The following HOXC5 variants were observed in gnomAD, a reference collection of about 807,000 sequenced individuals.
HOXC5 encodes the protein homeobox protein Hox-C5.
HOXC5 carries 19 observed loss-of-function variants against 20.1 expected under a neutral mutation model. That is an observed-to-expected ratio of 0.94 (90% confidence interval 0.66 to 1.38). HOXC5 has a LOEUF of 1.38. HOXC5 is among the 40% of genes most tolerant of loss of function. HOXC5 has a pLI of 0.00. For synonymous variants in HOXC5, 124 were observed against 117.0 expected, an observed-to-expected ratio of 1.06 and a Z score of -0.39; for missense variants, 330 against 300.1, an observed-to-expected ratio of 1.10 and a Z score of -0.74.
upstream of HOXC5, chr12:54,028,556 G>C: frequency 6.2e-7 from 1 of 1,614,082 alleles, no homozygotes; most frequent in Non-Finnish European, 8.5e-7. Context: ...TCCTTATCCT[G>C]CCACCTCGCC....
upstream of HOXC5, chr12:54,032,997 T>C (rs1375890968): frequency 1.4e-6 from 1 of 727,212 alleles, no homozygotes; most frequent in Non-Finnish European, 2.2e-6. Context: ...GCGCATAGGA[T>C]AAAGAAAGAG....
At chr12:54,032,317 C>T (rs2136444620), upstream of HOXC5, among the ~76,000 whole-genome samples, 1 of 152,350 alleles carries the variant, frequency 6.6e-6, no homozygotes, top group African/African-American at 2.4e-5. Flanking sequence ...ACTCAGGATC[C>T]CTCCTCCTGG....
upstream of HOXC5, among the ~76,000 whole-genome samples, chr12:54,029,420 C>T (rs1335456221): frequency 7.1e-6 from 1 of 141,608 alleles, no homozygotes; most frequent in Admixed American, 6.9e-5. Context: ...CGCCCCCCCC[C>T]CCACCACACA....
upstream of HOXC5, among the ~76,000 whole-genome samples, chr12:54,029,093 G>T (rs779048299): frequency 1.3e-5 from 2 of 152,032 alleles, no homozygotes; most frequent in Non-Finnish European, 2.9e-5. Context: ...CCTCTCGCTC[G>T]CTTGCAGGGG....
upstream of HOXC5, chr12:54,029,674 C>T: frequency 6.2e-7 from 1 of 1,613,546 alleles, no homozygotes; most frequent in Non-Finnish European, 8.5e-7. Flanking sequence ...ACGGAGCGGA[C>T]CGGAGGCGCG....
chr12:54,034,143 G>C (rs1242211606), intron 1 of HOXC5, 135 bp from the exon 2 acceptor site: 1 of 865,318 alleles, frequency 1.2e-6, no homozygotes, highest in Admixed American at 1.9e-5. Context: ...GCCCGCCTGC[G>C]GCCCGCGTGG....
At position 54,033,424 on chromosome 12, in the gene HOXC5, A is replaced by G; in HGVS notation, c.302A>G (p.Gln101Arg). 2 of 1,606,850 alleles carry G rather than the reference A, an allele frequency of 1.2e-6. No individual in the cohort carries two copies. Among genetic ancestry groups the G allele is most frequent in the Non-Finnish European group, 1.7e-6 (2 of 1,177,270 alleles). ...CCTCTGAACCCCGGGATGTACAGTC[A>G]GAAGGCGGCTCGCCCGGCGCTGGAG... ...AAPLNPGMYSQKAARPALEER... is the reference protein window; with the variant it reads ...AAPLNPGMYSRKAARPALEER... Residue 101 changes from glutamine to arginine, a missense_variant, in exon 1 of 2, where the codon CAG (glutamine) becomes CGG (arginine). Coordinates refer to ENST00000312492, the MANE Select transcript of HOXC5 (RefSeq NM_018953.4).
rs1479676303 is a variant in HOXC5, at chr12:54,033,193, G to A, written c.71G>A (p.Cys24Tyr). The stretch of plus-strand genomic sequence containing the variant: ...ATCCCTGCCTATAACATGCAAACTT[G>A]TGGGAACTATGGATCGGCCTCAGAG... ...PNIPAYNMQT[C>Y]GNYGSASEVQ... The change falls in exon 1 of 2, where the codon TGT becomes TAT. Residue 24 changes from cysteine (C) to tyrosine (Y), a missense_variant. By Grantham distance (194) the Cys-to-Tyr change is radical (BLOSUM62 -2). Coordinates refer to ENST00000312492, the MANE Select transcript of HOXC5 (RefSeq NM_018953.4). The A allele has an allele frequency of 1.9e-6, 3 of 1,614,078 alleles. No individual in the cohort carries two copies. The highest frequency in any genetic ancestry group is 2.5e-6 in the Non-Finnish European group (3 of 1,180,052).
rs931673428 is a variant in HOXC5, at chr12:54,033,377, T to C, written c.255T>C (p.Ala85=). The part of the protein sequence containing the change: ...ACSAAAAPGH[A]PGRDEAAPLN... ...GCGCCGCGGCCGCTCCGGGACACGC[T>C]CCGGGCAGAGACGAAGCGGCTCCTC... The change falls in exon 1 of 2, where the codon GCT becomes GCC. Residue 85 remains alanine, a synonymous_variant. Transcript: ENST00000312492. The C allele has an allele frequency of 1.9e-6, 3 of 1,612,882 alleles. No individual in the cohort carries two copies. In the Admixed American group the frequency reaches 5.0e-5, roughly 27 times the overall value.
chr12:54,028,284 C>A (rs1206160407), upstream of HOXC5: 3 of 319,374 alleles, frequency 9.4e-6, no homozygotes, highest in East Asian at 4.9e-5. Flanking sequence ...AAAAGAAATC[C>A]AAGTCTTACT....
upstream of HOXC5, chr12:54,028,555 T>C: frequency 6.2e-7 from 1 of 1,614,164 alleles, no homozygotes; most frequent in African/African-American, 1.3e-5. Context: ...TTCCTTATCC[T>C]GCCACCTCGC....
the HOXC5 span, among the ~76,000 whole-genome samples, chr12:54,017,670 G>A: frequency 6.6e-6 from 1 of 152,040 alleles, no homozygotes; most frequent in South Asian, 2.1e-4. Context: ...CAAGGGAACA[G>A]CACCTGTGGG....
upstream of HOXC5, chr12:54,029,594 A>C: frequency 6.5e-7 from 1 of 1,545,474 alleles, no homozygotes; most frequent in African/African-American, 1.4e-5. Context: ...TGCTAGGCGA[A>C]ACAGTCTGCA....
Position 54,034,479 on chromosome 12 carries a change from A to C in HOXC5, c.656A>C (p.Lys219Thr). ...KWKKDSKMKSKEAL is the reference protein window; with the variant it reads ...KWKKDSKMKSTEAL ...AAGAAAGATTCCAAAATGAAAAGCAAAGAGGCTCTTTAGAGGCAGCGGGGG... is the reference window on the plus strand; with the variant it reads ...AAGAAAGATTCCAAAATGAAAAGCACAGAGGCTCTTTAGAGGCAGCGGGGG... The change falls in exon 2 of 2, where the codon AAA becomes ACA. Residue 219 changes from lysine (K) to threonine (T), a missense_variant. Physicochemically the swap from Lys to Thr is moderately conservative, Grantham distance 78. Transcript: ENST00000312492. The C allele has an allele frequency of 1.2e-6, 2 of 1,614,000 alleles. No individual in the cohort carries two copies. Among genetic ancestry groups the C allele is most frequent in the Non-Finnish European group, 1.7e-6 (2 of 1,179,982 alleles).
rs753354430 is a variant in HOXC5 at position 54,033,590 on chromosome 12, C to G, written c.454+14C>G. On this transcript the variant is annotated intron_variant, in intron 1 of 1. Coordinates refer to ENST00000312492, the MANE Select transcript of HOXC5 (RefSeq NM_018953.4). The stretch of plus-strand genomic sequence containing the variant: ...ACATGAGCCACGGTAAACTTTAGGA[C>G]TTCATTTTGCGCTCTCGGGTCCGCC... The G allele has an allele frequency of 3.9e-6, 6 of 1,538,314 alleles. No individual in the cohort carries two copies. Among genetic ancestry groups the G allele is most frequent in the Middle Eastern group, 2.3e-4 (1 of 4,320 alleles).
upstream of HOXC5, chr12:54,028,975 C>A: frequency 1.3e-6 from 2 of 1,514,628 alleles, no homozygotes; most frequent in Non-Finnish European, 1.8e-6. Flanking sequence ...GGCTTTATGA[C>A]CGGCTTCCCT....
chr12:54,026,965 G>C, the HOXC5 span, among the ~76,000 whole-genome samples: 2 of 45,180 alleles, frequency 4.4e-5, no homozygotes, highest in Admixed American at 1.9e-4. Flanking sequence ...CAAAAATGGT[G>C]GGGGGGGGGG....
rs1284432602 is a variant in HOXC5, at chr12:54,034,366, T to C, written c.543T>C (p.Thr181=). 7 of 1,614,230 alleles carry C rather than the reference T, an allele frequency of 4.3e-6. No homozygotes were observed. In the South Asian group the frequency reaches 7.7e-5, roughly 18 times the overall value. ...AATTCCACTTTAACCGCTACCTCAC[T>C]CGCCGCAGGCGCATAGAGATCGCCA... ...EKEFHFNRYL[T]RRRRIEIANN... The change falls in exon 2 of 2, where the codon ACT becomes ACC. Residue 181 remains threonine, a synonymous_variant. Coordinates refer to ENST00000312492, the MANE Select transcript of HOXC5 (RefSeq NM_018953.4).
chr12:54,023,137 C>G, the HOXC5 span, among the ~76,000 whole-genome samples: 2 of 152,346 alleles, frequency 1.3e-5, no homozygotes, highest in South Asian at 2.1e-4. Context: ...CAAGCCCCCT[C>G]CTCAGCTAAT....
Sources: gnomAD v4.1 joint callset for allele counts (sites outside exome capture counted in the v4.1 genomes callset) on GRCh38, gnomAD v4.1.1 for gene constraint, MANE v1.5 for transcripts, NCBI Gene and HGNC (gene_info 2026-07-23, HGNC 2026-07-21) for gene names.